The following CNTLN variants were observed in gnomAD, a reference collection of about 807,000 sequenced individuals.
The protein encoded by CNTLN is centlein, centrosomal protein.
CNTLN carries 212 observed loss-of-function variants against 180.0 expected under a neutral mutation model. The ratio of observed to expected loss-of-function variants is 1.18; its 90% CI spans 1.05 to 1.32. The LOEUF (loss-of-function observed/expected upper bound fraction) is 1.32. Among genes scored for constraint, CNTLN ranks in the 40% most tolerant of loss-of-function variants. CNTLN has a pLI of 0.00. For missense variants in CNTLN, 2,095 were observed against 1,610.9 expected, an observed-to-expected ratio of 1.30 and a Z score of -5.14; for synonymous variants, 722 against 563.1, an observed-to-expected ratio of 1.28 and a Z score of -3.99.
chr9:17,147,193 A>G (rs2779772), intron 2 of CNTLN, among the ~76,000 whole-genome samples: 2 of 152,050 alleles, frequency 1.3e-5, no homozygotes, highest in South Asian at 4.1e-4. Context: ...TGTGTAGTAG[A>G]TAGACTTCAT....
chr9:17,307,339 G>T (rs1023898674), intron 7 of CNTLN, among the ~76,000 whole-genome samples: 2 of 151,976 alleles, frequency 1.3e-5, no homozygotes, highest in Non-Finnish European at 2.9e-5. Context: ...CACAATCTCG[G>T]CTCACTGCAG....
chr9:17,160,702 T>C (rs1435733689), intron 2 of CNTLN, among the ~76,000 whole-genome samples: 3 of 152,184 alleles, frequency 2.0e-5, no homozygotes, highest in African/African-American at 7.2e-5. Context: ...AAGAAAATAA[T>C]TTGTAAAATT....
At chr9:17,186,981 C>G (rs899911245) in intron 2 of CNTLN, among the ~76,000 whole-genome samples, 1 of 151,950 alleles carries the variant, frequency 6.6e-6, no homozygotes, top group African/African-American at 2.4e-5. Context: ...AGAGTTGTGT[C>G]TCTGATGTCT....
At chr9:17,238,165 C>T (rs1187929984) in intron 5 of CNTLN, among the ~76,000 whole-genome samples, 1 of 151,906 alleles carries the variant, frequency 6.6e-6, no homozygotes, top group Non-Finnish European at 1.5e-5. Context: ...ATTTTGGATA[C>T]TAATACTTCA....
At chr9:17,259,586 C>T (rs1014570946) in intron 5 of CNTLN, among the ~76,000 whole-genome samples, 9 of 150,686 alleles carry the variant, frequency 6.0e-5, no homozygotes, top group Non-Finnish European at 1.5e-5. Context: ...TAGAATTCGG[C>T]TGTGAATCCA....
chr9:17,155,607 TC>T (rs1227975117), intron 2 of CNTLN, among the ~76,000 whole-genome samples: 1 of 152,124 alleles, frequency 6.6e-6, no homozygotes, highest in Admixed American at 6.5e-5. Context: ...CGGACGCCCT[TC>T]CCCCACCAAC....
chr9:17,484,170 T>C (rs1287207348), intron 23 of CNTLN, 125 bp from the exon 24 acceptor site: 3 of 747,830 alleles, frequency 4.0e-6, no homozygotes, highest in Non-Finnish European at 4.3e-6. Context: ...TATTCCAGAG[T>C]AATTAAAACC....
chr9:17,510,492 G>A, the CNTLN span, among the ~76,000 whole-genome samples: 4 of 152,128 alleles, frequency 2.6e-5, no homozygotes, highest in African/African-American at 9.7e-5. Context: ...CATGTTTTTG[G>A]ATGAGATTAA....
At chr9:17,228,787 G>A (rs1824635939) in intron 3 of CNTLN, among the ~76,000 whole-genome samples, 2 of 152,042 alleles carry the variant, frequency 1.3e-5, no homozygotes, top group African/African-American at 2.4e-5. Context: ...GGAACCATAA[G>A]GACTTGATAG....
intron 5 of CNTLN, among the ~76,000 whole-genome samples, chr9:17,247,027 A>G (rs2132242872): frequency 6.6e-6 from 1 of 152,172 alleles, no homozygotes; most frequent in South Asian, 2.1e-4. Flanking sequence ...AGTCCTCTTA[A>G]TTCTCTACTC....
chr9:17,212,320 T>C (rs1823381354), intron 2 of CNTLN, among the ~76,000 whole-genome samples: 1 of 152,222 alleles, frequency 6.6e-6, no homozygotes, highest in Non-Finnish European at 1.5e-5. Context: ...AATCATGTGG[T>C]TTTTGTCTTT....
chr9:17,213,684 G>T (rs1015626780), intron 2 of CNTLN, among the ~76,000 whole-genome samples: 2 of 152,044 alleles, frequency 1.3e-5, no homozygotes, highest in Non-Finnish European at 2.9e-5. Flanking sequence ...TTATTGTGTG[G>T]GAGTCTAAGT....
chr9:17,156,193 A>C (rs1014600852), intron 2 of CNTLN, among the ~76,000 whole-genome samples: 6 of 152,180 alleles, frequency 3.9e-5, no homozygotes, highest in African/African-American at 1.4e-4. Flanking sequence ...GAATCTCAGT[A>C]GTGCCACAAT....
At chr9:17,260,229 A>T (rs1485040634) in intron 5 of CNTLN, among the ~76,000 whole-genome samples, 1 of 149,386 alleles carries the variant, frequency 6.7e-6, no homozygotes, top group Non-Finnish European at 1.5e-5. Flanking sequence ...TCATTTCGTT[A>T]TGTACCCAGT....
intron 9 of CNTLN, among the ~76,000 whole-genome samples, chr9:17,331,724 T>G (rs1050724571): frequency 2.0e-5 from 3 of 152,002 alleles, no homozygotes; most frequent in Non-Finnish European, 4.4e-5. Flanking sequence ...TTTCAGAAAA[T>G]GAGATTTATT....
At chr9:17,491,601 A>ATTT (rs994458353) in intron 25 of CNTLN, among the ~76,000 whole-genome samples, 5 of 152,058 alleles carry the variant, frequency 3.3e-5, no homozygotes, top group Admixed American at 2.0e-4. Context: ...TTTAGGTTTC[A>ATTT]TTTTGTCCAT....
At chr9:17,510,411 A>C in the CNTLN span, among the ~76,000 whole-genome samples, 2 of 152,164 alleles carry the variant, frequency 1.3e-5, no homozygotes, top group Non-Finnish European at 2.9e-5. Context: ...GACTTGATGA[A>C]TTTTGTGTGT....
At chr9:17,500,209 T>C (rs1833668647) in intron 25 of CNTLN, among the ~76,000 whole-genome samples, 1 of 152,196 alleles carries the variant, frequency 6.6e-6, no homozygotes, top group African/African-American at 2.4e-5. Flanking sequence ...TGTTTAACTC[T>C]GAGGCTTTGA....
downstream of CNTLN, among the ~76,000 whole-genome samples, chr9:17,505,884 G>T (rs759324766): frequency 2.0e-5 from 3 of 152,070 alleles, no homozygotes; most frequent in African/African-American, 7.2e-5. Flanking sequence ...GTATTAAATA[G>T]CTACACTAAT....
Sources: allele counts gnomAD v4.1 joint callset (sites outside exome capture counted in the v4.1 genomes callset), GRCh38; gene constraint gnomAD v4.1.1; transcripts MANE v1.5; gene names NCBI Gene and HGNC (gene_info 2026-07-23, HGNC 2026-07-21).